The following AGPAT3 variants were observed in gnomAD, a reference collection of about 807,000 sequenced individuals.
AGPAT3 encodes 1-acyl-sn-glycerol-3-phosphate acyltransferase gamma.
In AGPAT3, 5 loss-of-function variants were observed where a neutral mutation model predicts 47.3. The observed-to-expected ratio is 0.11, with a 90% CI of 0.06 to 0.22. The LOEUF is 0.22. Ranked by LOEUF, AGPAT3 falls within the 10% of genes least tolerant of loss-of-function variation. AGPAT3 has a pLI of 1.00. For synonymous variants in AGPAT3, 212 were observed against 208.3 expected (o/e 1.02, Z -0.15); for missense variants, 315 against 493.0 (o/e 0.64, Z 3.42).
rs540742030 is a variant in AGPAT3, at chr21:43,934,841, G to A, written c.-48-24793G>A. Among the ~76,000 whole-genome samples, 1 of 139,140 alleles carries A rather than the reference G, an allele frequency of 7.2e-6. No individual in the cohort carries two copies. The highest frequency in any genetic ancestry group is 1.5e-5 in the Non-Finnish European group (1 of 65,016). The allele number at this position is 139,140 out of a possible 152,430, so 91.3% of individuals were successfully genotyped here. A position where few individuals can be genotyped will look rare whatever the true frequency, so the allele number is the denominator to read the frequency against. On this transcript the variant is annotated intron_variant, in intron 2 of 9. Coordinates refer to ENST00000291572, the MANE Select transcript of AGPAT3 (RefSeq NM_020132.5). The surrounding 1 kb of genome is among the most constrained non-coding windows in gnomAD (Gnocchi z 4.7). ...CACCTCTACCCCTCACGTCACCGAC[G>A]CCACTCACATGCCACTCACATGCCA...
intron 2 of AGPAT3, among the ~76,000 whole-genome samples, chr21:43,953,142 G>A (rs991804315): frequency 5.3e-5 from 8 of 152,246 alleles, no homozygotes; most frequent in African/African-American, 1.9e-4. Flanking sequence ...ACGCCGCAGA[G>A]AGCTGCCTTA....
chr21:43,941,991 G>A (rs941779795), intron 2 of AGPAT3, among the ~76,000 whole-genome samples: 2 of 152,254 alleles, frequency 1.3e-5, no homozygotes, highest in Non-Finnish European at 1.5e-5. Flanking sequence ...AGGTGGCAGG[G>A]GACTGGCTGT....
At chr21:43,969,316 G>A (rs550752945) in intron 5 of AGPAT3, 37 bp downstream of exon 5, 25 of 1,609,056 alleles carry the variant, frequency 1.6e-5, no homozygotes, top group African/African-American at 8.0e-5. Flanking sequence ...CTGCATGCCT[G>A]GAGGAGGCCA....
intron 1 of AGPAT3, among the ~76,000 whole-genome samples, chr21:43,897,577 A>G (rs74552409): frequency 7.8e-6 from 1 of 127,498 alleles, no homozygotes; most frequent in African/African-American, 3.3e-5. Context: ...CGCTCCTCAC[A>G]TCCCAGACGG....
chr21:43,941,672 T>A (rs2087660320), intron 2 of AGPAT3, among the ~76,000 whole-genome samples: 1 of 152,198 alleles, frequency 6.6e-6, no homozygotes, highest in African/African-American at 2.4e-5. Context: ...GAGCAACCGC[T>A]CACTCATCCT....
At chr21:43,907,609 C>T (rs1466248716) in intron 2 of AGPAT3, among the ~76,000 whole-genome samples, 3 of 152,138 alleles carry the variant, frequency 2.0e-5, no homozygotes, top group East Asian at 3.9e-4. Flanking sequence ...CCCAGCTACT[C>T]GGGAGGCTGA....
chr21:43,938,528 A>G (rs1243226246), intron 2 of AGPAT3, among the ~76,000 whole-genome samples: 3 of 152,028 alleles, frequency 2.0e-5, no homozygotes, highest in Non-Finnish European at 4.4e-5. Context: ...TCCTGACCTC[A>G]GGTGATCCAC....
intron 2 of AGPAT3, among the ~76,000 whole-genome samples, chr21:43,935,308 C>T (rs1601351092): frequency 6.6e-6 from 1 of 152,370 alleles, no homozygotes; most frequent in East Asian, 1.9e-4. Flanking sequence ...GAGCTGGGAC[C>T]CAGGGGCAGC....
At position 43,879,857 on chromosome 21, in the gene AGPAT3, G is replaced by A. The variant is rs555001096; in HGVS notation, c.-112+14512G>A. ...CTAGAAGCGACAGCCTGAGCTCTGC[G>A]CCTTTGTCCTGAGCTGGCCTTAGGA... On this transcript the variant is annotated intron_variant, in intron 1 of 9. Coordinates refer to ENST00000291572, the MANE Select transcript of AGPAT3 (RefSeq NM_020132.5). 3.3e-5 allele frequency among the ~76,000 whole-genome samples: 5 copies of A among 152,240 alleles called. No individual in the cohort carries two copies. In the East Asian group the frequency reaches 5.8e-4, roughly 18 times the overall value.
intron 1 of AGPAT3, among the ~76,000 whole-genome samples, chr21:43,901,925 G>A (rs2086366463): frequency 6.6e-6 from 1 of 152,156 alleles, no homozygotes; most frequent in East Asian, 1.9e-4. Flanking sequence ...ACAAAAAAAT[G>A]AACAGAGCAT....
At chr21:43,959,967 A>G in intron 3 of AGPAT3, 108 bp downstream of exon 3, 1 of 1,248,574 alleles carries the variant, frequency 8.0e-7, no homozygotes. Flanking sequence ...AGGGCTATGC[A>G]GGAGGTGCCG....
chr21:43,978,212 T>TCCTGTCTCCCACGGAGTTC, intron 8 of AGPAT3, 91 bp downstream of exon 8: 1 of 1,021,722 alleles, frequency 9.8e-7, no homozygotes, highest in Non-Finnish European at 1.5e-6. Context: ...ACGTGGGAAC[T>TCCTGTCTCCCACGGAGTTC]CCGTGGGAGA....
At chr21:43,942,216 G>A (rs2087681333) in intron 2 of AGPAT3, among the ~76,000 whole-genome samples, 1 of 152,216 alleles carries the variant, frequency 6.6e-6, no homozygotes, top group Non-Finnish European at 1.5e-5. Flanking sequence ...TGACCTGGAG[G>A]GCCACAGAGG....
chr21:43,987,258 G>A lies in AGPAT3; in HGVS notation c.*4866G>A, dbSNP rs373053474. Among the ~76,000 whole-genome samples, 82 of 152,256 alleles carry A rather than the reference G, an allele frequency of 5.4e-4. 1 individual carries two copies. The Middle Eastern group carries it at 0.01, about 19-fold the overall frequency. ...ACCCACCTTCAGAGCCCACTCCCAC[G>A]GGCTCTGTTTCCTTGGAGGCCATCC... On this transcript the variant is annotated 3_prime_UTR_variant, in exon 10 of 10. Coordinates refer to ENST00000291572, the MANE Select transcript of AGPAT3 (RefSeq NM_020132.5).
chr21:43,869,172 T>C (rs532650709), intron 1 of AGPAT3, among the ~76,000 whole-genome samples: 32 of 152,306 alleles, frequency 2.1e-4, no homozygotes, highest in African/African-American at 7.5e-4. Context: ...ATTAATTCAA[T>C]TGACGTAAAT....
chr21:43,973,602 T>C (rs78436546), intron 7 of AGPAT3, among the ~76,000 whole-genome samples: 3,437 of 152,358 alleles, frequency 0.023, 130 homozygotes, highest in African/African-American at 0.073. Context: ...TCCCTGCCGC[T>C]GCCTTTATTT....
intron 1 of AGPAT3, among the ~76,000 whole-genome samples, chr21:43,890,017 A>C (rs544847537): frequency 8.1e-5 from 12 of 148,874 alleles, no homozygotes; most frequent in Middle Eastern, 3.4e-3. Context: ...TCCCTAAAAT[A>C]TGACATTTTG....
intron 7 of AGPAT3, among the ~76,000 whole-genome samples, chr21:43,977,325 ACT>A (rs1192524782): frequency 1.3e-5 from 2 of 152,238 alleles, no homozygotes; most frequent in Non-Finnish European, 1.5e-5. Flanking sequence ...AATGAAAGAC[ACT>A]CTCAGTCATG....
At chr21:43,962,162 G>C (rs1013055541) in intron 3 of AGPAT3, among the ~76,000 whole-genome samples, 1 of 151,912 alleles carries the variant, frequency 6.6e-6, no homozygotes, top group Admixed American at 6.6e-5. Flanking sequence ...CACCACTCCT[G>C]GCTAATTTTT....
Sources: gnomAD v4.1 joint callset for allele counts (sites outside exome capture counted in the v4.1 genomes callset) on GRCh38, gnomAD v4.1.1 for gene constraint, Gnocchi (gnomAD v3.1) non-coding constraint, MANE v1.5 for transcripts, NCBI Gene and HGNC (gene_info 2026-07-23, HGNC 2026-07-21) for gene names.